Variants in DOCK9 observed in about 807,000 individuals in gnomAD.
The protein encoded by DOCK9 is dedicator of cytokinesis 9, also known as dedicator of cytokinesis protein 9.
Under a neutral mutation model 263.3 loss-of-function variants are expected in DOCK9, and 89 were observed. That is an observed-to-expected ratio of 0.34 (90% CI 0.28 to 0.40). DOCK9 has a LOEUF of 0.40. DOCK9 is among the 10% of genes least tolerant of loss of function. The probability of loss-of-function intolerance (pLI) is 1.00; values close to 1 mark genes in which losing one functional copy is unlikely to be tolerated. For synonymous variants in DOCK9, 976 were observed against 973.1 expected (o/e 1.00, Z -0.06); for missense variants, 2,140 against 2,603.4 (o/e 0.82, Z 3.87).
At chr13:99,031,050 AT>A (rs1887284412) in intron 1 of DOCK9, among the ~76,000 whole-genome samples, 1 of 151,874 alleles carries the variant, frequency 6.6e-6, no homozygotes, top group Non-Finnish European at 1.5e-5. Context: ...ACTCATGTAA[AT>A]TATCTCAAAA....
chr13:98,869,204 C>T (rs1163503161), intron 27 of DOCK9, among the ~76,000 whole-genome samples: 1 of 152,204 alleles, frequency 6.6e-6, no homozygotes, highest in East Asian at 1.9e-4. Context: ...AATCTTTCCC[C>T]AACAGGAACC....
chr13:98,837,692 G>A (rs1351122836), intron 38 of DOCK9, 83 bp from the exon 39 acceptor site: 5 of 700,234 alleles, frequency 7.1e-6, no homozygotes, highest in Non-Finnish European at 1.0e-5. Context: ...GTCAACTTTT[G>A]ATTATTCAGA....
At chr13:98,945,096 C>T (rs1389329449) in intron 2 of DOCK9, among the ~76,000 whole-genome samples, 1 of 152,172 alleles carries the variant, frequency 6.6e-6, no homozygotes, top group African/African-American at 2.4e-5. Context: ...CCTTTTCCTA[C>T]AATATTTCTA....
Position 98,829,254 on chromosome 13 carries a change from G to C in DOCK9, c.4965+53C>G. 1 of 1,505,266 alleles carries C rather than the reference G, an allele frequency of 6.6e-7. No individual in the cohort carries two copies. Among genetic ancestry groups the C allele is most frequent in the Non-Finnish European group, 9.0e-7 (1 of 1,106,658 alleles). The allele number at this position is 1,505,266 out of a possible 1,614,324, so 93.2% of individuals were successfully genotyped here. ...TCAAAACTGGCTTTTTAAGTGAATG[G>C]GGCCTCACTGGTTTTTTCAAAAACC... On this transcript the variant is annotated intron_variant, in intron 43 of 52. Coordinates refer to ENST00000682017, the MANE Select transcript of DOCK9 (RefSeq NM_001366683.2). The surrounding 1 kb of genome is among the most constrained non-coding windows in gnomAD (Gnocchi z 4.1).
Position 98,829,537 on chromosome 13 carries a change from G to A in DOCK9, c.4750-15C>T. Reference sequence around the variant, plus strand: ...AAGCTGGTGTGCTAAAACAAGGGTGGAAGAGGAAAGGACACATGGCTTCCT... The same window carrying A: ...AAGCTGGTGTGCTAAAACAAGGGTGAAAGAGGAAAGGACACATGGCTTCCT... On this transcript the variant is annotated splice_polypyrimidine_tract_variant and intron_variant, in intron 42 of 52. Coordinates refer to ENST00000682017, the MANE Select transcript of DOCK9 (RefSeq NM_001366683.2). This position sits in a 1 kb window ranked among gnomAD's most constrained non-coding sequence, Gnocchi z 4.1. 6.2e-7 allele frequency: 1 copy of A among 1,606,294 alleles called. No homozygotes were observed. Among genetic ancestry groups the A allele is most frequent in the Non-Finnish European group, 8.5e-7 (1 of 1,175,834 alleles).
intron 48 of DOCK9, among the ~76,000 whole-genome samples, chr13:98,806,614 A>C (rs1167342935): frequency 6.6e-6 from 1 of 152,224 alleles, no homozygotes; most frequent in Non-Finnish European, 1.5e-5. Flanking sequence ...AAGTCATAGA[A>C]AGTTATTATT....
chr13:98,947,898 T>C (rs1374030753), intron 2 of DOCK9, among the ~76,000 whole-genome samples: 2 of 152,222 alleles, frequency 1.3e-5, no homozygotes, highest in African/African-American at 4.8e-5. Context: ...AAAGTTACAC[T>C]GTTGGCCACT....
intron 1 of DOCK9, among the ~76,000 whole-genome samples, chr13:98,970,046 G>A (rs1162562668): frequency 6.6e-6 from 1 of 152,186 alleles, no homozygotes; most frequent in African/African-American, 2.4e-5. Flanking sequence ...CCAGGCTGGA[G>A]TGCAGTAGCT....
chr13:99,031,124 A>T (rs75725596), intron 1 of DOCK9, among the ~76,000 whole-genome samples: 385 of 42,260 alleles, frequency 9.1e-3, no homozygotes, highest in South Asian at 0.023. Context: ...TGTTTTTTTT[A>T]AAAAAAAGTA....
rs773896305 is a variant in DOCK9 at position 98,809,458 on chromosome 13, G to A, written c.5261C>T (p.Ala1754Val). 1.3e-6 allele frequency: 2 copies of A among 1,597,662 alleles called. No individual in the cohort carries two copies. The highest frequency in any genetic ancestry group is 1.7e-6 in the Non-Finnish European group (2 of 1,174,410). The change falls in exon 47 of 53, where the codon GCC becomes GTC. Residue 1754 changes from alanine (A) to valine (V), a missense_variant. Physicochemically the swap from Ala to Val is moderately conservative, Grantham distance 64. Around this residue, in one of 2 missense-constraint regions of DOCK9, gnomAD observed 619 missense variants for 861.8 expected, o/e 0.72. Coordinates refer to ENST00000682017, the MANE Select transcript of DOCK9 (RefSeq NM_001366683.2). ...YEKRRDFERLAHLYDTLHRAY... is the reference protein window; with the variant it reads ...YEKRRDFERLVHLYDTLHRAY... ...CCGGTGCAGCGTGTCATACAGATGG[G>A]CCAGCCTCTGGAAAGCAGAACAAAG...
At chr13:98,969,523 C>T (rs537846430) in intron 1 of DOCK9, among the ~76,000 whole-genome samples, 19 of 152,170 alleles carry the variant, frequency 1.2e-4, no homozygotes, top group Admixed American at 3.3e-4. Context: ...CAAAACCACT[C>T]GGGTGGTTCT....
chr13:98,849,975 A>T, intron 36 of DOCK9, 72 bp downstream of exon 36: 1 of 1,098,212 alleles, frequency 9.1e-7, no homozygotes, highest in Non-Finnish European at 1.4e-6. Flanking sequence ...GTTCAACTAC[A>T]TAGTATTCTT....
rs1165750465 is a variant in DOCK9 at position 98,949,929 on chromosome 13, T to A, written c.243+5506A>T. ...AATGACACCAAACTCCCCCAGGTGCTCCTCAATTGCTGTGCTGTCTGTCAG... is the reference window on the plus strand; with the variant it reads ...AATGACACCAAACTCCCCCAGGTGCACCTCAATTGCTGTGCTGTCTGTCAG... On this transcript the variant is annotated intron_variant, in intron 2 of 52. Transcript: ENST00000682017. 6 of 477,578 alleles carry A rather than the reference T, an allele frequency of 1.3e-5. No individual in the cohort carries two copies. The Admixed American group carries it at 1.4e-4, about 11-fold the overall frequency. The allele number at this position is 477,578 out of a possible 1,614,324, so 29.6% of individuals were successfully genotyped here. A position where few individuals can be genotyped will look rare whatever the true frequency, so the allele number is the denominator to read the frequency against.
At chr13:98,972,999 G>C (rs1383503438) in intron 1 of DOCK9, among the ~76,000 whole-genome samples, 1 of 152,222 alleles carries the variant, frequency 6.6e-6, no homozygotes, top group Non-Finnish European at 1.5e-5. Flanking sequence ...GAGCATTGTA[G>C]TGAAGGTGTA....
At chr13:98,866,762 G>A (rs1360398548) in intron 30 of DOCK9, among the ~76,000 whole-genome samples, 1 of 152,160 alleles carries the variant, frequency 6.6e-6, no homozygotes, top group African/African-American at 2.4e-5. Context: ...CAAGGGCTAT[G>A]AAAATAGTAG....
intron 38 of DOCK9, among the ~76,000 whole-genome samples, chr13:98,843,341 T>C (rs2093286315): frequency 6.6e-6 from 1 of 152,094 alleles, no homozygotes. Context: ...CAGGTAGAGA[T>C]GAAAACAAAC....
intron 30 of DOCK9, chr13:98,867,199 A>G (rs1265705485): frequency 3.5e-6 from 2 of 570,948 alleles, no homozygotes; most frequent in African/African-American, 3.8e-5. Context: ...GGATTTTTCA[A>G]TGAAATAGCC....
chr13:98,972,550 C>A (rs1160184534), intron 1 of DOCK9, among the ~76,000 whole-genome samples: 1 of 152,152 alleles, frequency 6.6e-6, no homozygotes, highest in Non-Finnish European at 1.5e-5. Context: ...TCACTCGGAC[C>A]CTATCTAAGC....
chr13:98,879,992 C>A (rs1260251867), intron 26 of DOCK9, 23 bp from the exon 27 acceptor site: 3 of 1,563,814 alleles, frequency 1.9e-6, no homozygotes, highest in East Asian at 4.5e-5. Flanking sequence ...AGAACAGGAC[C>A]CAGTAAGAAC....
Sources: gnomAD v4.1 joint callset for allele counts (sites outside exome capture counted in the v4.1 genomes callset) on GRCh38, gnomAD v4.1.1 for gene constraint, gnomAD v4.1.1 regional missense constraint, Gnocchi (gnomAD v3.1) non-coding constraint, MANE v1.5 for transcripts, NCBI Gene and HGNC (gene_info 2026-07-23, HGNC 2026-07-21) for gene names.